PGM5: variants seen among roughly 807,000 people sequenced by gnomAD.
PGM5 encodes the protein phosphoglucomutase 5, also known as phosphoglucomutase-like protein 5.
A neutral mutation model predicts 59.2 loss-of-function variants in PGM5; 23 were observed. The observed-to-expected ratio is 0.39, with a 90% CI of 0.28 to 0.55. The LOEUF (loss-of-function observed/expected upper bound fraction) is 0.55. PGM5 is among the 20% of genes least tolerant of loss of function. PGM5 has a pLI of 0.66. For missense variants in PGM5, 574 were observed against 748.3 expected (o/e 0.77, Z 2.72); for synonymous variants, 214 against 286.0 (o/e 0.75, Z 2.54).
Position 68,529,671 on chromosome 9 carries a change from A to ACTCACCAGG in PGM5, c.*16_*24dup. The ACTCACCAGG allele has an allele frequency of 6.5e-7, 1 of 1,534,506 alleles. No homozygotes were observed. The highest frequency in any genetic ancestry group is 8.9e-7 in the Non-Finnish European group (1 of 1,120,900). ...TCATCACCTGAATAGAGGAAAGATC[A>ACTCACCAGG]CTCACCAGGGCCAAAGAGAGTGCTC... On this transcript the variant is annotated 3_prime_UTR_variant, in exon 11 of 11. Coordinates refer to ENST00000396396, the MANE Select transcript of PGM5 (RefSeq NM_021965.4).
At chr9:68,393,189 T>G (rs1563991152) in intron 6 of PGM5, among the ~76,000 whole-genome samples, 1 of 152,068 alleles carries the variant, frequency 6.6e-6, no homozygotes, top group Non-Finnish European at 1.5e-5. Context: ...ATGTGCCTGG[T>G]GGAAAGTTAG....
chr9:68,524,394 G>A (rs1271796134), intron 10 of PGM5, among the ~76,000 whole-genome samples: 4 of 152,276 alleles, frequency 2.6e-5, no homozygotes, highest in African/African-American at 9.6e-5. Flanking sequence ...TTGAAAGGAT[G>A]CAAGGCCTGC....
chr9:68,500,665 T>C (rs1296474507), intron 10 of PGM5, among the ~76,000 whole-genome samples: 1 of 152,170 alleles, frequency 6.6e-6, no homozygotes, highest in African/African-American at 2.4e-5. Context: ...TCTTTCCAAA[T>C]AAAACACTAT....
intron 6 of PGM5, among the ~76,000 whole-genome samples, chr9:68,422,111 A>G (rs1362338578): frequency 1.3e-5 from 2 of 152,080 alleles, no homozygotes; most frequent in Non-Finnish European, 2.9e-5. Context: ...AAAAAAATTT[A>G]GAAGCTATAT....
intron 6 of PGM5, chr9:68,398,408 G>A (rs1169825175): frequency 5.3e-5 from 8 of 152,014 alleles, no homozygotes; most frequent in Non-Finnish European, 8.8e-5. Flanking sequence ...TGAGGTTAAG[G>A]AAACCAAAAA....
intron 6 of PGM5, among the ~76,000 whole-genome samples, chr9:68,404,858 G>A (rs1377650864): frequency 6.6e-6 from 1 of 152,160 alleles, no homozygotes; most frequent in African/African-American, 2.4e-5. Context: ...GCTGAAATGG[G>A]GCCTAAATAG....
At chr9:68,512,799 G>A (rs544674646) in intron 10 of PGM5, among the ~76,000 whole-genome samples, 4 of 152,254 alleles carry the variant, frequency 2.6e-5, no homozygotes, top group South Asian at 2.1e-4. Context: ...AATATTAGTC[G>A]TATGGTCTGT....
At chr9:68,465,981 G>T (rs781853263) in intron 7 of PGM5, among the ~76,000 whole-genome samples, 1 of 151,966 alleles carries the variant, frequency 6.6e-6, no homozygotes, top group African/African-American at 2.4e-5. Context: ...GTTTGTTGTT[G>T]TTCATTAATT....
intron 6 of PGM5, among the ~76,000 whole-genome samples, chr9:68,411,480 G>GTATA (rs1334617460): frequency 4.7e-5 from 4 of 85,282 alleles, no homozygotes; most frequent in East Asian, 3.0e-4. Flanking sequence ...GTGTGTGTGT[G>GTATA]TGTGTGTGTA....
intron 6 of PGM5, among the ~76,000 whole-genome samples, chr9:68,462,727 G>A (rs1823875371): frequency 6.6e-6 from 1 of 151,798 alleles, no homozygotes; most frequent in African/African-American, 2.4e-5. Flanking sequence ...GCCCCATGTT[G>A]CGCATTTTAT....
chr9:68,447,665 C>G (rs182068952), intron 6 of PGM5, among the ~76,000 whole-genome samples: 41 of 152,256 alleles, frequency 2.7e-4, no homozygotes, highest in African/African-American at 9.9e-4. Context: ...GTGTTTGCAG[C>G]AAGTATTTCC....
At chr9:68,529,164 C>CATGTGT (rs1488725319) in intron 10 of PGM5, among the ~76,000 whole-genome samples, 7 of 131,862 alleles carry the variant, frequency 5.3e-5, no homozygotes, top group African/African-American at 2.0e-4. Context: ...CTTTTATTCT[C>CATGTGT]GTGTGTGTGT....
chr9:68,409,118 GA>G (rs1822876160), intron 6 of PGM5, among the ~76,000 whole-genome samples: 1 of 151,712 alleles, frequency 6.6e-6, no homozygotes, highest in African/African-American at 2.4e-5. Flanking sequence ...AAAAACACAT[GA>G]AAAAATGCTC....
intron 6 of PGM5, among the ~76,000 whole-genome samples, chr9:68,421,062 A>G (rs782493470): frequency 1.4e-4 from 22 of 152,222 alleles, no homozygotes. Context: ...TGTGATGAGT[A>G]TATGTGTGCA....
chr9:68,371,388 G>A (rs1554677152), intron 1 of PGM5, among the ~76,000 whole-genome samples: 2 of 152,176 alleles, frequency 1.3e-5, no homozygotes, highest in African/African-American at 4.8e-5. Flanking sequence ...GCGGTCTGCT[G>A]CATTGACAGA....
chr9:68,479,201 A>G (rs148737897), intron 7 of PGM5, among the ~76,000 whole-genome samples: 1 of 152,326 alleles, frequency 6.6e-6, no homozygotes, highest in East Asian at 1.9e-4. Flanking sequence ...TCCCTTCAGA[A>G]ATTTCCAAGT....
intron 9 of PGM5, among the ~76,000 whole-genome samples, chr9:68,490,039 T>C (rs782404058): frequency 6.6e-6 from 1 of 152,232 alleles, no homozygotes; most frequent in South Asian, 2.1e-4. Context: ...AGTTTTCTTT[T>C]AGCGTTGTTA....
intron 10 of PGM5, among the ~76,000 whole-genome samples, chr9:68,525,154 T>G (rs1360224452): frequency 1.3e-5 from 2 of 150,930 alleles, no homozygotes; most frequent in African/African-American, 2.5e-5. Flanking sequence ...AGGAGTGATT[T>G]CTAAAGAAAA....
chr9:68,406,688 A>G (rs1229325500), intron 6 of PGM5, among the ~76,000 whole-genome samples: 5 of 51,880 alleles, frequency 9.6e-5, no homozygotes, highest in Non-Finnish European at 1.5e-4. Flanking sequence ...GTATATATAT[A>G]TATATATATA....
Sources: gnomAD v4.1 joint callset for allele counts (sites outside exome capture counted in the v4.1 genomes callset) on GRCh38, gnomAD v4.1.1 for gene constraint, MANE v1.5 for transcripts, NCBI Gene and HGNC (gene_info 2026-07-23, HGNC 2026-07-21) for gene names.